The following MGAT5B variants were observed in gnomAD, a reference collection of about 807,000 sequenced individuals.
The protein encoded by MGAT5B is N-acetylglucosaminyl-transferase Vb.
MGAT5B carries 54 observed loss-of-function variants against 95.1 expected under a neutral mutation model. The ratio of observed to expected loss-of-function variants is 0.57; its 90% CI spans 0.46 to 0.71. The LOEUF (loss-of-function observed/expected upper bound fraction) is 0.71. Among genes scored for constraint, MGAT5B ranks in the 30% least tolerant of loss-of-function variants. The probability of loss-of-function intolerance (pLI) is 0.00; values close to 1 mark genes in which losing one functional copy is unlikely to be tolerated. For missense variants in MGAT5B, 935 were observed against 1,088.6 expected (o/e 0.86, Z 1.99); for synonymous variants, 464 against 451.0 (o/e 1.03, Z -0.36).
At chr17:76,945,500 G>T (rs1303158975) in intron 15 of MGAT5B, among the ~76,000 whole-genome samples, 1 of 152,124 alleles carries the variant, frequency 6.6e-6, no homozygotes, top group Non-Finnish European at 1.5e-5. Flanking sequence ...CGTTGGCCAG[G>T]CTGGTCTTGA....
At chr17:76,893,376 C>T (rs1967952755) in intron 3 of MGAT5B, among the ~76,000 whole-genome samples, 1 of 152,170 alleles carries the variant, frequency 6.6e-6, no homozygotes, top group African/African-American at 2.4e-5. Context: ...AGCCCTCCAG[C>T]CTCCCCTCTC....
chr17:76,948,157 C>T (rs1970095219), intron 17 of MGAT5B, 71 bp downstream of exon 17: 1 of 1,516,654 alleles, frequency 6.6e-7, no homozygotes, highest in African/African-American at 1.4e-5. Flanking sequence ...TGAGAGCTCT[C>T]ATGCCCAGAA....
chr17:76,949,958 G>C lies in MGAT5B; in HGVS notation c.*1120G>C, dbSNP rs935462296. 2.0e-5 allele frequency: 3 copies of C among 152,044 alleles called. No homozygotes were observed. The highest frequency in any genetic ancestry group is 7.3e-5 in the African/African-American group (3 of 41,032). The allele number at this position is 152,044 out of a possible 1,614,324, so 9.4% of individuals were successfully genotyped here. A position where few individuals can be genotyped will look rare whatever the true frequency, so the allele number is the denominator to read the frequency against. On this transcript the variant is annotated 3_prime_UTR_variant, in exon 18 of 18. Coordinates refer to ENST00000569840, the MANE Select transcript of MGAT5B (RefSeq NM_001199172.2). Reference sequence around the variant, plus strand: ...CTTCCTCCAGCCTCAAACCGCCTCTGGATCTAGCTGTCCTTCTCCGAGTGG... The same window carrying C: ...CTTCCTCCAGCCTCAAACCGCCTCTCGATCTAGCTGTCCTTCTCCGAGTGG...
rs1968848814 is a variant in MGAT5B, at chr17:76,914,241, T to C, written c.1025+8054T>C. 1 of 175,260 alleles carries C rather than the reference T, an allele frequency of 5.7e-6. No individual in the cohort carries two copies. Among genetic ancestry groups the C allele is most frequent in the Admixed American group, 5.6e-5 (1 of 17,820 alleles). The allele number at this position is 175,260 out of a possible 1,614,324, so 10.9% of individuals were successfully genotyped here. On this transcript the variant is annotated intron_variant, in intron 8 of 17. Transcript: ENST00000569840. This position sits in a 1 kb window ranked among gnomAD's most constrained non-coding sequence, Gnocchi z 5.1. ...GGTGCAGTCGTGGGGACAAAGGTCC[T>C]AAACCCAGTGGGCTGTGGGAGTGTG...
Position 76,917,567 on chromosome 17 carries a change from C to T in MGAT5B, c.1026-7399C>T, listed in dbSNP as rs1261502542. ...GCAAGCCAGACTGCTTTTTCCTCGG[C>T]ATCTCTAGCGTGGAGCCAGCGGCCC... On this transcript the variant is annotated intron_variant, in intron 8 of 17. Transcript: ENST00000569840. This position sits in a 1 kb window ranked among gnomAD's most constrained non-coding sequence, Gnocchi z 6.1. Among the ~76,000 whole-genome samples, 1 of 152,160 alleles carries T rather than the reference C, an allele frequency of 6.6e-6. No homozygotes were observed. The highest frequency in any genetic ancestry group is 1.5e-5 in the Non-Finnish European group (1 of 68,034).
chr17:76,927,422 T>G (rs1201326203), intron 10 of MGAT5B, among the ~76,000 whole-genome samples: 1 of 152,090 alleles, frequency 6.6e-6, no homozygotes, highest in African/African-American at 2.4e-5. Context: ...ATATTTTTTG[T>G]AGAGAAAGGG....
At chr17:76,939,557 G>A (rs1454658946) in intron 13 of MGAT5B, among the ~76,000 whole-genome samples, 1 of 152,066 alleles carries the variant, frequency 6.6e-6, no homozygotes, top group African/African-American at 2.4e-5. Flanking sequence ...GGGTACATAT[G>A]CAGGCTTGGT....
At chr17:76,924,822 G>A (rs1208155321) in intron 8 of MGAT5B, 144 bp from the exon 9 acceptor site, 1 of 1,062,090 alleles carries the variant, frequency 9.4e-7, no homozygotes, top group East Asian at 2.4e-5. Context: ...TTACCGTACA[G>A]GGCCATCCTG....
At chr17:76,901,520 C>G (rs927254662) in intron 3 of MGAT5B, among the ~76,000 whole-genome samples, 3 of 152,066 alleles carry the variant, frequency 2.0e-5, no homozygotes, top group African/African-American at 7.2e-5. Context: ...GAGATAAATA[C>G]TGCATATGAC....
chr17:76,933,253 C>T (rs368323642), intron 11 of MGAT5B, 39 bp from the exon 12 acceptor site: 113 of 1,598,126 alleles, frequency 7.1e-5, no homozygotes, highest in Middle Eastern at 1.6e-4. Flanking sequence ...CCTGCTGTCT[C>T]TCTCTCTGTT....
At chr17:76,922,278 T>C (rs563414445) in intron 8 of MGAT5B, among the ~76,000 whole-genome samples, 1 of 152,324 alleles carries the variant, frequency 6.6e-6, no homozygotes, top group East Asian at 1.9e-4. Flanking sequence ...GTCTTAATTT[T>C]ACTAGACCCA....
At position 76,868,999 on chromosome 17, in the gene MGAT5B, C is replaced by T; in HGVS notation, c.-31C>T. 2 of 1,611,102 alleles carry T rather than the reference C, an allele frequency of 1.2e-6. No individual in the cohort carries two copies. Among genetic ancestry groups the T allele is most frequent in the Non-Finnish European group, 1.7e-6 (2 of 1,177,614 alleles). ...CCCAGGACGGTGCGTCCGGCCTCGCCCGCGGCTGCTCGCACCAACAAGTTT... is the reference window on the plus strand; with the variant it reads ...CCCAGGACGGTGCGTCCGGCCTCGCTCGCGGCTGCTCGCACCAACAAGTTT... On this transcript the variant is annotated 5_prime_UTR_variant, in exon 1 of 18. Coordinates refer to ENST00000569840, the MANE Select transcript of MGAT5B (RefSeq NM_001199172.2). This position sits in a 1 kb window ranked among gnomAD's most constrained non-coding sequence, Gnocchi z 6.3.
At position 76,916,744 on chromosome 17, in the gene MGAT5B, G is replaced by A. The variant is rs954129811; in HGVS notation, c.1026-8222G>A. On this transcript the variant is annotated intron_variant, in intron 8 of 17. Transcript: ENST00000569840. The surrounding 1 kb of genome is among the most constrained non-coding windows in gnomAD (Gnocchi z 5.3). ...AGGGCCTCTGTGAATCTCAGGGGTC[G>A]TGGGTTCTCGAGAAGGGATGAGGGG... is the stretch of plus-strand genomic sequence containing the variant. Among the ~76,000 whole-genome samples, 6 of 152,318 alleles carry A rather than the reference G, an allele frequency of 3.9e-5. No individual in the cohort carries two copies. Among genetic ancestry groups the A allele is most frequent in the Middle Eastern group, 3.4e-3 (1 of 294 alleles).
At chr17:76,903,423 T>C in intron 5 of MGAT5B, 47 bp downstream of exon 5, 4 of 1,521,842 alleles carry the variant, frequency 2.6e-6, no homozygotes, top group Non-Finnish European at 3.6e-6. Context: ...CTAGGGCCTC[T>C]CTGTCTGGCC....
intron 3 of MGAT5B, among the ~76,000 whole-genome samples, chr17:76,893,566 C>A (rs769943944): frequency 2.0e-5 from 3 of 152,230 alleles, no homozygotes; most frequent in Non-Finnish European, 2.9e-5. Flanking sequence ...GGCATCTGCA[C>A]CAGCTGGAGA....
Position 76,941,440 on chromosome 17 carries a change from G to A in MGAT5B, c.1848+592G>A, listed in dbSNP as rs545240966. Among the ~76,000 whole-genome samples the A allele has an allele frequency of 4.6e-5, 7 of 152,314 alleles. No individual in the cohort carries two copies. The South Asian group carries it at 1.4e-3, about 32-fold the overall frequency. On this transcript the variant is annotated intron_variant, in intron 15 of 17. Coordinates refer to ENST00000569840, the MANE Select transcript of MGAT5B (RefSeq NM_001199172.2). ...GTGGACATGTTTGTGGCTTTTGATC[G>A]TGCCTTGTGCTTGGCTGGTTCCTTC...
chr17:76,887,401 T>C (rs890774757), intron 3 of MGAT5B, among the ~76,000 whole-genome samples: 1 of 149,398 alleles, frequency 6.7e-6, no homozygotes, highest in Admixed American at 6.7e-5. Context: ...CAACCAGCTA[T>C]TCCAACTCAG....
chr17:76,948,111 C>T, intron 17 of MGAT5B, 25 bp downstream of exon 17: 1 of 1,554,438 alleles, frequency 6.4e-7, no homozygotes, highest in South Asian at 1.2e-5. Flanking sequence ...ACCCTCCCCA[C>T]CCAGCCGCTA....
rs1969004103 is a variant in MGAT5B at position 76,918,181 on chromosome 17, C to T, written c.1026-6785C>T. On this transcript the variant is annotated intron_variant, in intron 8 of 17. Transcript: ENST00000569840. The surrounding 1 kb of genome is among the most constrained non-coding windows in gnomAD (Gnocchi z 5.1). ...GCTCCCTCAGTTTCCCTTTCGGAGG[C>T]TCCCCCCCAACAACTGCACGCCTTG... Among the ~76,000 whole-genome samples, 2 of 142,172 alleles carry T rather than the reference C, an allele frequency of 1.4e-5. No individual in the cohort carries two copies. The highest frequency in any genetic ancestry group is 1.4e-4 in the Admixed American group (2 of 14,730). 93.3% of individuals were successfully genotyped at this position (142,172 alleles called of 152,430 possible).
Sources: gnomAD v4.1 joint callset for allele counts (sites outside exome capture counted in the v4.1 genomes callset) on GRCh38, gnomAD v4.1.1 for gene constraint, Gnocchi (gnomAD v3.1) non-coding constraint, MANE v1.5 for transcripts, NCBI Gene and HGNC (gene_info 2026-07-23, HGNC 2026-07-21) for gene names.